The following XYLT1 variants were observed in gnomAD, a reference collection of about 807,000 sequenced individuals.
XYLT1 encodes beta-D-xylosyltransferase 1.
XYLT1 carries 36 observed loss-of-function variants against 91.3 expected under a neutral mutation model. The ratio of observed to expected loss-of-function variants is 0.39; its 90% CI spans 0.30 to 0.52. The LOEUF (loss-of-function observed/expected upper bound fraction) is 0.52. Ranked by LOEUF, XYLT1 falls within the 20% of genes least tolerant of loss-of-function variation. The pLI is 0.68. For missense variants in XYLT1, 1,242 were observed against 1,284.5 expected, an observed-to-expected ratio of 0.97 and a Z score of 0.51; for synonymous variants, 588 against 532.0, an observed-to-expected ratio of 1.11 and a Z score of -1.45.
chr16:17,265,035 A>G (rs931685813), intron 2 of XYLT1, among the ~76,000 whole-genome samples: 2 of 152,170 alleles, frequency 1.3e-5, no homozygotes, highest in Admixed American at 6.5e-5. Flanking sequence ...AAAAATACAA[A>G]AAATTAGCTG....
chr16:17,268,418 C>T (rs909988936), intron 2 of XYLT1, among the ~76,000 whole-genome samples: 1 of 152,126 alleles, frequency 6.6e-6, no homozygotes, highest in Non-Finnish European at 1.5e-5. Context: ...TAGCACCTAC[C>T]TAAGCCAAAG....
intron 1 of XYLT1, among the ~76,000 whole-genome samples, chr16:17,453,429 C>T (rs894257358): frequency 2.0e-5 from 3 of 152,052 alleles, no homozygotes; most frequent in Non-Finnish European, 4.4e-5. Flanking sequence ...TGGGTGGATC[C>T]TAGGGTATCC....
chr16:17,327,729 C>G (rs1390780854), intron 2 of XYLT1, among the ~76,000 whole-genome samples: 5 of 151,402 alleles, frequency 3.3e-5, no homozygotes. Context: ...TATTTTATAA[C>G]TACGTCTTGG....
chr16:17,414,000 G>A (rs527449535), intron 1 of XYLT1, among the ~76,000 whole-genome samples: 12 of 152,244 alleles, frequency 7.9e-5, no homozygotes, highest in African/African-American at 2.2e-4. Flanking sequence ...TATTCAAGCC[G>A]GTCAATCCCA....
chr16:17,251,585 T>G (rs550389082), intron 3 of XYLT1, among the ~76,000 whole-genome samples: 5 of 152,288 alleles, frequency 3.3e-5, no homozygotes, highest in Admixed American at 1.3e-4. Context: ...TTGGGACATT[T>G]TAACTCAAGA....
chr16:17,245,800 T>G (rs901125194), intron 3 of XYLT1, among the ~76,000 whole-genome samples: 1 of 152,186 alleles, frequency 6.6e-6, no homozygotes, highest in Non-Finnish European at 1.5e-5. Flanking sequence ...GCTTTGTCAT[T>G]TTTACACTAA....
chr16:17,414,056 T>A (rs2036148849), intron 1 of XYLT1, among the ~76,000 whole-genome samples: 1 of 152,136 alleles, frequency 6.6e-6, no homozygotes, highest in Non-Finnish European at 1.5e-5. Flanking sequence ...GGAACCCCAG[T>A]AAAGGTTCTG....
At chr16:17,396,206 A>C (rs1370858918) in intron 1 of XYLT1, among the ~76,000 whole-genome samples, 1 of 152,216 alleles carries the variant, frequency 6.6e-6, no homozygotes, top group Non-Finnish European at 1.5e-5. Context: ...CCTGTCACTC[A>C]TGCAGTGACT....
chr16:17,359,029 G>A (rs1156357723), intron 1 of XYLT1, among the ~76,000 whole-genome samples: 1 of 152,166 alleles, frequency 6.6e-6, no homozygotes, highest in Non-Finnish European at 1.5e-5. Flanking sequence ...AGACAGGGAG[G>A]GTACAGGAGG....
chr16:17,143,967 C>T (rs2031063594), intron 6 of XYLT1, among the ~76,000 whole-genome samples: 1 of 152,212 alleles, frequency 6.6e-6, no homozygotes, highest in South Asian at 2.1e-4. Context: ...ACCACCATCA[C>T]CATGGCAATG....
Position 17,338,098 on chromosome 16 carries a change from T to C in XYLT1, c.402+19914A>G, listed in dbSNP as rs914356888. On this transcript the variant is annotated intron_variant, in intron 2 of 11. Transcript: ENST00000261381. Reference sequence around the variant, plus strand: ...TCTACATTTTAATGGCCCTCAAATCTGTCCCCTCCTTTCCTTTCCCACTTT... The same window carrying C: ...TCTACATTTTAATGGCCCTCAAATCCGTCCCCTCCTTTCCTTTCCCACTTT... The C allele has an allele frequency of 6.9e-6, 3 of 431,818 alleles. No individual in the cohort carries two copies. The Admixed American group carries it at 7.3e-5, about 10-fold the overall frequency. The allele number at this position is 431,818 out of a possible 1,614,324, so 26.7% of individuals were successfully genotyped here.
chr16:17,450,478 G>A (rs911311476), intron 1 of XYLT1, among the ~76,000 whole-genome samples: 2 of 152,188 alleles, frequency 1.3e-5, no homozygotes, highest in African/African-American at 4.8e-5. Flanking sequence ...CGTACACATG[G>A]AAGTGGGAAA....
chr16:17,254,363 C>A (rs2033595390), intron 3 of XYLT1, among the ~76,000 whole-genome samples: 1 of 152,124 alleles, frequency 6.6e-6, no homozygotes, highest in South Asian at 2.1e-4. Flanking sequence ...ATTTTCTTAA[C>A]TTCTTTTCTC....
At chr16:17,319,626 A>G (rs1053041821) in intron 2 of XYLT1, among the ~76,000 whole-genome samples, 1 of 152,076 alleles carries the variant, frequency 6.6e-6, no homozygotes, top group Non-Finnish European at 1.5e-5. Flanking sequence ...TATTTTTAGT[A>G]CAGTCAGTTT....
At chr16:17,117,580 C>T in intron 11 of XYLT1, 66 bp downstream of exon 11, 3 of 1,536,128 alleles carry the variant, frequency 2.0e-6, no homozygotes, top group Non-Finnish European at 2.6e-6. Context: ...TGCCTACCAA[C>T]ACCAAAGACC....
chr16:17,463,421 G>A (rs2036847076), intron 1 of XYLT1, among the ~76,000 whole-genome samples: 1 of 152,172 alleles, frequency 6.6e-6, no homozygotes, highest in Non-Finnish European at 1.5e-5. Context: ...GAGCTGAACA[G>A]ATATTTCTCA....
chr16:17,259,926 G>T (rs920883978), intron 2 of XYLT1, among the ~76,000 whole-genome samples: 1 of 152,060 alleles, frequency 6.6e-6, no homozygotes, highest in African/African-American at 2.4e-5. Context: ...ATATTGGTAG[G>T]ATATTACATA....
chr16:17,412,454 T>C (rs1264647069), intron 1 of XYLT1, among the ~76,000 whole-genome samples: 2 of 151,056 alleles, frequency 1.3e-5, no homozygotes. Flanking sequence ...TACCACATTC[T>C]TCATTCTGTA....
chr16:17,292,627 G>A (rs1018687200), intron 2 of XYLT1, among the ~76,000 whole-genome samples: 1 of 152,198 alleles, frequency 6.6e-6, no homozygotes, highest in African/African-American at 2.4e-5. Flanking sequence ...CGATGAAGGA[G>A]AAGTTTAAAA....
Sources: gnomAD v4.1 joint callset for allele counts (sites outside exome capture counted in the v4.1 genomes callset) on GRCh38, gnomAD v4.1.1 for gene constraint, MANE v1.5 for transcripts, NCBI Gene and HGNC (gene_info 2026-07-23, HGNC 2026-07-21) for gene names.